PIGK: variants seen among roughly 807,000 people sequenced by gnomAD.
The protein encoded by PIGK is phosphatidylinositol glycan anchor biosynthesis class K.
A neutral mutation model predicts 50.6 loss-of-function variants in PIGK; 42 were observed. That is an observed-to-expected ratio of 0.83 (90% CI 0.65 to 1.07). The LOEUF (loss-of-function observed/expected upper bound fraction) is 1.07, where lower values mean the gene tolerates loss of function less well. PIGK is among the 50% of genes least tolerant of loss of function. PIGK has a pLI of 0.00. For missense variants in PIGK, 448 were observed against 488.7 expected (o/e 0.92, Z 0.78); for synonymous variants, 151 against 156.0 (o/e 0.97, Z 0.24).
intron 3 of PIGK, among the ~76,000 whole-genome samples, chr1:77,195,784 A>C (rs961793701): frequency 6.6e-6 from 1 of 151,984 alleles, no homozygotes; most frequent in African/African-American, 2.4e-5. Context: ...AATATATAGA[A>C]TCTAGATATT....
At chr1:77,189,054 T>C (rs1655824938) in intron 3 of PIGK, among the ~76,000 whole-genome samples, 1 of 152,260 alleles carries the variant, frequency 6.6e-6, no homozygotes, top group Non-Finnish European at 1.5e-5. Context: ...TATACATTTG[T>C]ACTTAGAAAA....
chr1:77,195,251 A>G, intron 3 of PIGK: 2 of 1,275,116 alleles, frequency 1.6e-6, no homozygotes, highest in Non-Finnish European at 2.3e-6. Flanking sequence ...GCAGCTGTGG[A>G]GACCTTGGGG....
intron 9 of PIGK, among the ~76,000 whole-genome samples, chr1:77,122,650 G>A (rs1338961342): frequency 6.6e-6 from 1 of 152,130 alleles, no homozygotes; most frequent in African/African-American, 2.4e-5. Flanking sequence ...GTCCAAAAGA[G>A]GGTGTTTCTT....
intron 10 of PIGK, among the ~76,000 whole-genome samples, chr1:77,116,823 T>A (rs1653985698): frequency 6.6e-6 from 1 of 152,128 alleles, no homozygotes; most frequent in African/African-American, 2.4e-5. Context: ...ATACTTACCA[T>A]CACACATTTT....
At chr1:77,174,307 G>T (rs1325071716) in intron 3 of PIGK, among the ~76,000 whole-genome samples, 1 of 152,176 alleles carries the variant, frequency 6.6e-6, no homozygotes, top group Non-Finnish European at 1.5e-5. Flanking sequence ...ATTAAAAGTG[G>T]ATATTCAAGC....
chr1:77,096,899 T>TTTTTTTTTTTTTTTTTTTTTTG (rs1653421518), intron 10 of PIGK, among the ~76,000 whole-genome samples: 1 of 141,210 alleles, frequency 7.1e-6, no homozygotes, highest in African/African-American at 2.8e-5. Context: ...TTTTTTTTTG[T>TTTTTTTTTTTTTTTTTTTTTTG]TTTTTTGTTT....
chr1:77,163,127 T>C (rs1655164981), intron 6 of PIGK, among the ~76,000 whole-genome samples: 1 of 152,188 alleles, frequency 6.6e-6, no homozygotes, highest in African/African-American at 2.4e-5. Flanking sequence ...AATCAGTGCC[T>C]AGTAAAAGCT....
intron 9 of PIGK, among the ~76,000 whole-genome samples, chr1:77,130,458 A>T (rs1341595192): frequency 6.6e-6 from 1 of 152,078 alleles, no homozygotes; most frequent in African/African-American, 2.4e-5. Context: ...GCTTCAACGT[A>T]GAATTTTTTG....
intron 4 of PIGK, among the ~76,000 whole-genome samples, chr1:77,169,018 T>C (rs1655294906): frequency 6.6e-6 from 1 of 152,078 alleles, no homozygotes; most frequent in Non-Finnish European, 1.5e-5. Flanking sequence ...AAACTCACTA[T>C]AATACTCTAA....
At chr1:77,202,089 C>T (rs1460916682) in intron 3 of PIGK, among the ~76,000 whole-genome samples, 2 of 151,750 alleles carry the variant, frequency 1.3e-5, no homozygotes, top group Non-Finnish European at 2.9e-5. Flanking sequence ...AACAACCAGA[C>T]TATACAGCAC....
Position 77,132,362 on chromosome 1 carries a change from G to A in PIGK, c.987-10003C>T, listed in dbSNP as rs752499490. Among the ~76,000 whole-genome samples the A allele has an allele frequency of 4.0e-5, 6 of 151,310 alleles. No individual in the cohort carries two copies. In the South Asian group the frequency reaches 1.3e-3, roughly 32 times the overall value. ...AATATTTTATTACATCTTTTTTTCT[G>A]CTATCAACTTGATAGGTGTATTTTT... On this transcript the variant is annotated intron_variant, in intron 9 of 10. Coordinates refer to ENST00000370812, the MANE Select transcript of PIGK (RefSeq NM_005482.3).
At chr1:77,100,434 T>G (rs1653515868) in intron 10 of PIGK, among the ~76,000 whole-genome samples, 1 of 152,220 alleles carries the variant, frequency 6.6e-6, no homozygotes, top group Non-Finnish European at 1.5e-5. Context: ...CAAACTGTGG[T>G]AGGCAGAATG....
At chr1:77,183,023 T>C (rs1047509623) in intron 3 of PIGK, among the ~76,000 whole-genome samples, 3 of 152,170 alleles carry the variant, frequency 2.0e-5, no homozygotes, top group African/African-American at 7.2e-5. Flanking sequence ...TCTGCTAAGA[T>C]TGCCCTGACT....
rs767851863 is a variant in PIGK, at chr1:77,092,356, CT to C, written c.*17del. ...CCAAGTTTGCAGTCCTCCATGCATTCTTCATTCATCATCAAGTCTAAAAAAT... is the reference window on the plus strand; with the variant it reads ...CCAAGTTTGCAGTCCTCCATGCATTCTCATTCATCATCAAGTCTAAAAAAT... On this transcript the variant is annotated 3_prime_UTR_variant, in exon 11 of 11. Coordinates refer to ENST00000370812, the MANE Select transcript of PIGK (RefSeq NM_005482.3). 4.5e-6 allele frequency: 5 copies of C among 1,108,154 alleles called. No individual in the cohort carries two copies. The highest frequency in any genetic ancestry group is 4.1e-5 in the Admixed American group (2 of 49,272). 68.6% of individuals were successfully genotyped at this position (1,108,154 alleles called of 1,614,324 possible).
At chr1:77,161,517 C>G (rs985798873) in intron 7 of PIGK, 77 bp downstream of exon 7, 4 of 951,592 alleles carry the variant, frequency 4.2e-6, no homozygotes, top group East Asian at 2.4e-5. Context: ...CAGATACATT[C>G]ATAAAGCATT....
intron 9 of PIGK, among the ~76,000 whole-genome samples, chr1:77,135,491 T>C (rs965556573): frequency 1.3e-5 from 2 of 152,088 alleles, no homozygotes; most frequent in Non-Finnish European, 2.9e-5. Context: ...AATCCTTTCA[T>C]TTTCAACTAT....
intron 4 of PIGK, among the ~76,000 whole-genome samples, chr1:77,168,384 C>T (rs1655279290): frequency 6.6e-6 from 1 of 152,070 alleles, no homozygotes; most frequent in South Asian, 2.1e-4. Flanking sequence ...ATTTTTCCTG[C>T]AAGACAGCAA....
At chr1:77,203,121 CT>C in intron 3 of PIGK, among the ~76,000 whole-genome samples, 1 of 152,122 alleles carries the variant, frequency 6.6e-6, no homozygotes, top group African/African-American at 2.4e-5. Context: ...AGTAATAGCA[CT>C]GGAGGAAAAA....
Position 77,154,511 on chromosome 1 carries a change from C to G in PIGK, c.924G>C (p.Arg308=), listed in dbSNP as rs990326531. The change falls in exon 9 of 11, where the codon CGG becomes CGC. Residue 308 remains arginine (R), a synonymous_variant. Transcript: ENST00000370812. ...VLITDFFGSV[R]KVEITTETIK... Reference sequence around the variant, plus strand: ...TAGTCTCTGTTGTAATTTCCACTTTCCGTACACTTCCAAAGAAATCAGTTA... The same window carrying G: ...TAGTCTCTGTTGTAATTTCCACTTTGCGTACACTTCCAAAGAAATCAGTTA... 1.4e-5 allele frequency: 22 copies of G among 1,611,864 alleles called. No individual in the cohort carries two copies. The highest frequency in any genetic ancestry group is 2.7e-5 in the African/African-American group (2 of 74,868).
Sources: gnomAD v4.1 joint callset for allele counts (sites outside exome capture counted in the v4.1 genomes callset) on GRCh38, gnomAD v4.1.1 for gene constraint, MANE v1.5 for transcripts, NCBI Gene and HGNC (gene_info 2026-07-23, HGNC 2026-07-21) for gene names.